The following RNF145 variants were observed in gnomAD, a reference collection of about 807,000 sequenced individuals.
RNF145 encodes ring finger protein 145.
In RNF145, 12 loss-of-function variants were observed where a neutral mutation model predicts 57.3. The ratio of observed to expected loss-of-function variants is 0.21; its 90% confidence interval spans 0.13 to 0.34. RNF145 has a LOEUF of 0.34. Among genes scored for constraint, RNF145 ranks in the 10% least tolerant of loss-of-function variants. The pLI is 1.00. For synonymous variants in RNF145, 262 were observed against 288.3 expected, an observed-to-expected ratio of 0.91 and a Z score of 0.92; for missense variants, 429 against 799.0, an observed-to-expected ratio of 0.54 and a Z score of 5.58.
intron 9 of RNF145, among the ~76,000 whole-genome samples, 198 bp downstream of exon 9, chr5:159,162,734 G>A (rs1484131376): frequency 3.3e-5 from 5 of 152,088 alleles, no homozygotes; most frequent in Admixed American, 6.5e-5. Context: ...GCGCCCGGCC[G>A]GTTTATGTAA....
chr5:159,181,394 T>C (rs958419801), intron 4 of RNF145, among the ~76,000 whole-genome samples: 2 of 152,134 alleles, frequency 1.3e-5, no homozygotes, highest in African/African-American at 4.8e-5. Flanking sequence ...ATGGGTGAGT[T>C]TCAAAGTCAC....
chr5:159,194,624 CT>C (rs1316117613), intron 3 of RNF145, 91 bp downstream of exon 3: 3 of 815,164 alleles, frequency 3.7e-6, no homozygotes, highest in Non-Finnish European at 6.2e-6. Context: ...AAAGCCTTAG[CT>C]TTACTTAACA....
At chr5:159,200,251 A>C (rs1164649252) in intron 2 of RNF145, among the ~76,000 whole-genome samples, 1 of 152,160 alleles carries the variant, frequency 6.6e-6, no homozygotes, top group Admixed American at 6.5e-5. Context: ...TAGAAAACTA[A>C]CCATAAAAAA....
chr5:159,196,164 T>C (rs1348219507), intron 2 of RNF145, among the ~76,000 whole-genome samples: 1 of 152,072 alleles, frequency 6.6e-6, no homozygotes, highest in Non-Finnish European at 1.5e-5. Flanking sequence ...ATGGGCTACA[T>C]GTGGCCCAGG....
chr5:159,194,646 A>G (rs1387355488), intron 3 of RNF145, 70 bp downstream of exon 3: 6 of 1,003,476 alleles, frequency 6.0e-6, no homozygotes, highest in Admixed American at 5.6e-5. Context: ...GTGTTCATGA[A>G]AAGTATTTTA....
chr5:159,180,608 T>C (rs1784859271), intron 4 of RNF145, among the ~76,000 whole-genome samples: 1 of 152,122 alleles, frequency 6.6e-6, no homozygotes, highest in Admixed American at 6.6e-5. Flanking sequence ...CCAAATATAA[T>C]TTTAAATTTT....
intron 1 of RNF145, 71 bp downstream of exon 1, chr5:159,209,160 G>A (rs1390065748): frequency 3.5e-6 from 2 of 574,840 alleles, no homozygotes; most frequent in Middle Eastern, 8.6e-4. Context: ...CGATGGGGGA[G>A]GGGAGGGAGG....
At chr5:159,209,725 G>T, upstream of RNF145, 1 of 1,106,252 alleles carries the variant, frequency 9.0e-7, no homozygotes, top group Non-Finnish European at 1.3e-6. Flanking sequence ...ATACAGCCCG[G>T]CTCGGGTGGC....
Position 159,158,817 on chromosome 5 carries a change from C to T in RNF145, c.1845G>A (p.Glu615=), listed in dbSNP as rs755031686. ...CCTGTATCCTGGTCCCTGGAGTATGCTCCTGGCCTGGGGGTTCAGTACCTT... is the reference window on the plus strand; with the variant it reads ...CCTGTATCCTGGTCCCTGGAGTATGTTCCTGGCCTGGGGGTTCAGTACCTT... ...FQEGTEPPGQ[E]HTPGTRIQEG... Residue 615 remains glutamate (E), a synonymous_variant, in exon 11 of 11, where the codon GAG becomes GAA. Transcript: ENST00000424310. 3 of 1,613,916 alleles carry T rather than the reference C, an allele frequency of 1.9e-6. No homozygotes were observed. The highest frequency in any genetic ancestry group is 4.5e-5 in the East Asian group (2 of 44,874).
chr5:159,194,545 C>G (rs1785391148), intron 3 of RNF145, among the ~76,000 whole-genome samples, 171 bp downstream of exon 3: 1 of 152,218 alleles, frequency 6.6e-6, no homozygotes, highest in African/African-American at 2.4e-5. Context: ...AATAAAATGT[C>G]AGCATAAACC....
At chr5:159,205,174 T>A (rs926049192) in intron 1 of RNF145, among the ~76,000 whole-genome samples, 3 of 152,176 alleles carry the variant, frequency 2.0e-5, no homozygotes, top group African/African-American at 4.8e-5. Context: ...CCCAAATGTT[T>A]TATATATATA....
At chr5:159,180,845 A>G (rs1277816700) in intron 4 of RNF145, among the ~76,000 whole-genome samples, 1 of 152,122 alleles carries the variant, frequency 6.6e-6, no homozygotes, top group Non-Finnish European at 1.5e-5. Context: ...AGTGCTAACC[A>G]GCCACATGTG....
Position 159,165,711 on chromosome 5 carries a change from AAAAAAAAAAAAAAAAAAAAAAATAAT to A in RNF145, c.1122-2658_1122-2633del, listed in dbSNP as rs1784371303. ...AAAAAAAAAAAAAAAAAAAAAAAAA[AAAAAAAAAAAAAAAAAAAAAAATAAT>A]AATATCCTACATTATCATCTTTTTG... On this transcript the variant is annotated intron_variant, in intron 8 of 10. Coordinates refer to ENST00000424310, the MANE Select transcript of RNF145 (RefSeq NM_001199383.2). 9.1e-3 allele frequency among the ~76,000 whole-genome samples: 87 copies of A among 9,546 alleles called. 25 individuals carry two copies. Among genetic ancestry groups the A allele is most frequent in the Non-Finnish European group, 2.3e-3 (14 of 6,016 alleles). The allele number at this position is 9,546 out of a possible 152,430, so 6.3% of individuals were successfully genotyped here. A position where few individuals can be genotyped will look rare whatever the true frequency, so the allele number is the denominator to read the frequency against.
chr5:159,199,279 A>T (rs901195104), intron 2 of RNF145, among the ~76,000 whole-genome samples: 1 of 152,164 alleles, frequency 6.6e-6, no homozygotes, highest in African/African-American at 2.4e-5. Context: ...CCAAACAACA[A>T]AAGATTAAAA....
chr5:159,167,149 T>C (rs555591005), intron 8 of RNF145, among the ~76,000 whole-genome samples: 1 of 152,314 alleles, frequency 6.6e-6, no homozygotes, highest in South Asian at 2.1e-4. Context: ...TTAACTTTAT[T>C]TCATTTGTTT....
intron 9 of RNF145, among the ~76,000 whole-genome samples, 200 bp from the exon 10 acceptor site, chr5:159,161,822 T>C (rs1413136158): frequency 6.6e-6 from 1 of 152,192 alleles, no homozygotes; most frequent in Non-Finnish European, 1.5e-5. Context: ...AAAATGTGGG[T>C]GATCTTAGTA....
chr5:159,168,905 A>G lies in RNF145; in HGVS notation c.1089T>C (p.Pro363=), dbSNP rs1236832889. 6.3e-7 allele frequency: 1 copy of G among 1,579,654 alleles called. No individual in the cohort carries two copies. The highest frequency in any genetic ancestry group is 8.6e-7 in the Non-Finnish European group (1 of 1,167,712). ...ILQSMLEIAD[P]IVLALGASRD... ...TAGATGCTCCCAGTGCCAAAACAAT[A>G]GGATCTGCAATTTCTAACATAGACT... The change falls in exon 8 of 11, where the codon CCT becomes CCC. Residue 363 remains proline (P), a synonymous_variant. Transcript: ENST00000424310.
rs2113268203 is a variant in RNF145 at position 159,209,463 on chromosome 5, A to T, written c.-272T>A. 1.0e-6 allele frequency: 1 copy of T among 981,768 alleles called. No homozygotes were observed. Among genetic ancestry groups the T allele is most frequent in the East Asian group, 1.2e-4 (1 of 8,680 alleles). 60.8% of individuals were successfully genotyped at this position (981,768 alleles called of 1,614,324 possible). On this transcript the variant is annotated 5_prime_UTR_variant, in exon 1 of 11. Coordinates refer to ENST00000424310, the MANE Select transcript of RNF145 (RefSeq NM_001199383.2). ...TACGGTCACCATCGTCCGCGGCAGC[A>T]GGCGCTCGCGGGCCGAGCCCCTTAG...
At chr5:159,205,370 T>A (rs1785840142) in intron 1 of RNF145, among the ~76,000 whole-genome samples, 1 of 152,200 alleles carries the variant, frequency 6.6e-6, no homozygotes. Flanking sequence ...ACCTTTAATA[T>A]TTATTGCAAA....
Sources: allele counts gnomAD v4.1 joint callset (sites outside exome capture counted in the v4.1 genomes callset), GRCh38; gene constraint gnomAD v4.1.1; transcripts MANE v1.5; gene names NCBI Gene and HGNC (gene_info 2026-07-23, HGNC 2026-07-21).